The following NAT1 variants were observed in gnomAD, a reference collection of about 807,000 sequenced individuals.
NAT1 encodes arylamine N-acetyltransferase 1.
For synonymous variants in NAT1, 144 were observed against 122.6 expected (o/e 1.17, Z -1.16); for missense variants, 400 against 339.2 (o/e 1.18, Z -1.41).
intron 2 of NAT1, among the ~76,000 whole-genome samples, chr8:18,195,934 A>T (rs1440629152): frequency 6.6e-6 from 1 of 151,730 alleles, no homozygotes; most frequent in Admixed American, 6.6e-5. Context: ...AAAAAAAAAG[A>T]CCCTGATGGC....
chr8:18,187,127 G>A (rs560362834), intron 2 of NAT1, among the ~76,000 whole-genome samples: 1 of 152,152 alleles, frequency 6.6e-6, no homozygotes, highest in Non-Finnish European at 1.5e-5. Flanking sequence ...ATAAACTTTT[G>A]TACTAAAAAA....
At chr8:18,173,407 T>A (rs915343718) in intron 2 of NAT1, among the ~76,000 whole-genome samples, 11 of 152,252 alleles carry the variant, frequency 7.2e-5, no homozygotes, top group African/African-American at 2.6e-4. Flanking sequence ...ATCATCCTGT[T>A]TATTAAAAAA....
At chr8:18,185,987 A>T (rs2117237744) in intron 2 of NAT1, among the ~76,000 whole-genome samples, 1 of 152,248 alleles carries the variant, frequency 6.6e-6, no homozygotes, top group South Asian at 2.1e-4. Flanking sequence ...TTTCTAGTTT[A>T]ATTGCGTTGT....
chr8:18,216,303 T>A (rs749866535), intron 1 of NAT1, among the ~76,000 whole-genome samples: 1 of 152,158 alleles, frequency 6.6e-6, no homozygotes, highest in Non-Finnish European at 1.5e-5. Flanking sequence ...TTTCTATGGG[T>A]TGCCCTGAGT....
intron 2 of NAT1, among the ~76,000 whole-genome samples, chr8:18,186,544 T>A (rs964824412): frequency 6.6e-6 from 1 of 152,162 alleles, no homozygotes; most frequent in African/African-American, 2.4e-5. Context: ...GCAATATTTA[T>A]TTTGTAAATG....
chr8:18,212,749 G>A, intron 1 of NAT1: 1 of 152,436 alleles, frequency 6.6e-6, no homozygotes, highest in Non-Finnish European at 1.5e-5. Context: ...ACTGTGAGAT[G>A]GTAAAAGAGA....
intron 2 of NAT1, among the ~76,000 whole-genome samples, chr8:18,186,573 T>A (rs1304545337): frequency 6.6e-6 from 1 of 152,154 alleles, no homozygotes; most frequent in East Asian, 1.9e-4. Context: ...CAATTGCTGA[T>A]ATTTTAGGTT....
intron 2 of NAT1, among the ~76,000 whole-genome samples, chr8:18,198,662 A>G (rs1382360645): frequency 6.6e-6 from 1 of 152,218 alleles, no homozygotes; most frequent in African/African-American, 2.4e-5. Context: ...AATTGTATAT[A>G]TTTAAGGTGT....
chr8:18,205,486 G>C (rs1176593013), upstream of NAT1, among the ~76,000 whole-genome samples: 1 of 152,212 alleles, frequency 6.6e-6, no homozygotes, highest in African/African-American at 2.4e-5. Context: ...GTTAGCACAA[G>C]AGTGGGGCAC....
intron 1 of NAT1, chr8:18,212,906 A>AG (rs1339718726): frequency 2.7e-5 from 4 of 149,274 alleles, no homozygotes; most frequent in Non-Finnish European, 5.9e-5. Flanking sequence ...GGAAACCAAT[A>AG]GGGTTTTTTT....
At chr8:18,220,193 G>T (rs770027796) in intron 2 of NAT1, among the ~76,000 whole-genome samples, 4 of 152,100 alleles carry the variant, frequency 2.6e-5, no homozygotes, top group Non-Finnish European at 4.4e-5. Context: ...GTTACGAAAG[G>T]GTGCTGGTGG....
At chr8:18,211,227 G>A (rs544975117) in intron 1 of NAT1, 2 of 152,392 alleles carry the variant, frequency 1.3e-5, no homozygotes, top group East Asian at 3.9e-4. Context: ...TGGACTTGCA[G>A]AATTCCACAG....
At chr8:18,201,538 C>CAA (rs57824254) in intron 2 of NAT1, among the ~76,000 whole-genome samples, 1 of 144,238 alleles carries the variant, frequency 6.9e-6, no homozygotes, top group African/African-American at 2.6e-5. Flanking sequence ...GGGCCCCTCT[C>CAA]AAAAAAAAAA....
At chr8:18,219,628 G>C (rs926096950) in intron 2 of NAT1, 139 bp downstream of exon 2, 6 of 555,666 alleles carry the variant, frequency 1.1e-5, no homozygotes, top group Admixed American at 7.1e-5. Context: ...GATATATAAA[G>C]CTAATAATGT....
At chr8:18,221,338 A>T (rs1805274814) in intron 2 of NAT1, among the ~76,000 whole-genome samples, 1 of 148,640 alleles carries the variant, frequency 6.7e-6, no homozygotes. Context: ...AAACCAACTA[A>T]TTTAAAATTG....
rs2082245371 is a variant in NAT1 at position 18,184,128 on chromosome 8, C to T, written n.92+13389C>T. ...TGGTGGCCCCACCCCTGTGACAAGTCTCTGCCTGGGCCCCATGACTTGCCA... is the reference window on the plus strand; with the variant it reads ...TGGTGGCCCCACCCCTGTGACAAGTTTCTGCCTGGGCCCCATGACTTGCCA... On this transcript the variant is annotated intron_variant and non_coding_transcript_variant, in intron 2 of 4. Coordinates refer to the NAT1 transcript ENST00000517441. Among the ~76,000 whole-genome samples the T allele has an allele frequency of 2.6e-5, 4 of 152,178 alleles. No homozygotes were observed. The South Asian group carries it at 8.3e-4, about 32-fold the overall frequency.
chr8:18,186,329 A>T (rs17515914), intron 2 of NAT1, among the ~76,000 whole-genome samples: 12,226 of 152,202 alleles, frequency 0.08, 661 homozygotes, highest in South Asian at 0.18. Context: ...AATTAATGTC[A>T]TTATGAAGTG....
chr8:18,183,769 G>T (rs1368357267), intron 2 of NAT1, among the ~76,000 whole-genome samples: 1 of 152,170 alleles, frequency 6.6e-6, no homozygotes, highest in Non-Finnish European at 1.5e-5. Context: ...TATTCTAAAA[G>T]GGAGGAATAG....
chr8:18,200,460 C>G (rs889456964), intron 2 of NAT1, among the ~76,000 whole-genome samples: 22 of 152,120 alleles, frequency 1.4e-4, no homozygotes, highest in African/African-American at 5.3e-4. Context: ...CACATGTTCT[C>G]ACTTATAAGT....
Sources: allele counts gnomAD v4.1 joint callset (sites outside exome capture counted in the v4.1 genomes callset), GRCh38; gene constraint gnomAD v4.1.1; transcripts MANE v1.5; gene names NCBI Gene and HGNC (gene_info 2026-07-23, HGNC 2026-07-21).